Variants in FBXL20 observed in about 807,000 individuals in gnomAD.
FBXL20 encodes the protein F-box/LRR-repeat protein 20.
A neutral mutation model predicts 64.0 loss-of-function variants in FBXL20; 11 were observed. The observed-to-expected ratio is 0.17, with a 90% CI of 0.11 to 0.28. The LOEUF (loss-of-function observed/expected upper bound fraction) is 0.28. Among genes scored for constraint, FBXL20 ranks in the 10% least tolerant of loss-of-function variants. The pLI, the probability that FBXL20 is intolerant of heterozygous loss-of-function variation, is 1.00. For synonymous variants in FBXL20, 184 were observed against 189.0 expected (o/e 0.97, Z 0.22); for missense variants, 303 against 526.2 (o/e 0.58, Z 4.15).
At chr17:39,386,036 A>C (rs1173088488) in intron 1 of FBXL20, among the ~76,000 whole-genome samples, 3 of 148,430 alleles carry the variant, frequency 2.0e-5, no homozygotes, top group Non-Finnish European at 4.5e-5. Flanking sequence ...AAAAAAAAAA[A>C]AAAAAAAAAC....
chr17:39,401,275 G>A (rs2048240138), intron 1 of FBXL20, 86 bp downstream of exon 1: 2 of 1,603,812 alleles, frequency 1.2e-6, no homozygotes, highest in East Asian at 2.3e-5. Context: ...GCCTGCCAGG[G>A]AGGAGGCTCC....
At chr17:39,356,343 A>C (rs1275005553) in intron 1 of FBXL20, among the ~76,000 whole-genome samples, 2 of 151,992 alleles carry the variant, frequency 1.3e-5, no homozygotes, top group Non-Finnish European at 2.9e-5. Flanking sequence ...ATGCAGATAT[A>C]CAATTGTTTC....
At chr17:39,299,150 C>G in intron 4 of FBXL20, 66 bp from the exon 5 acceptor site, 1 of 1,080,120 alleles carries the variant, frequency 9.3e-7, no homozygotes, top group Non-Finnish European at 1.4e-6. Flanking sequence ...AACACATACT[C>G]ATTTTTAACG....
intron 2 of FBXL20, among the ~76,000 whole-genome samples, chr17:39,335,009 G>T (rs1168571518): frequency 1.3e-5 from 2 of 152,198 alleles, no homozygotes; most frequent in African/African-American, 2.4e-5. Flanking sequence ...AAGAGAAAGA[G>T]CTGGAGTCCT....
chr17:39,316,294 TAC>T (rs34083114), intron 2 of FBXL20, among the ~76,000 whole-genome samples: 17 of 150,066 alleles, frequency 1.1e-4, no homozygotes, highest in African/African-American at 1.2e-4. Flanking sequence ...CATCTACATA[TAC>T]ACACACACAC....
intron 1 of FBXL20, among the ~76,000 whole-genome samples, chr17:39,387,578 CT>C (rs567825913): frequency 0.061 from 7,643 of 124,388 alleles, 529 homozygotes; most frequent in African/African-American, 0.2. Flanking sequence ...AGCGCCCAAT[CT>C]TTTTTTTTTT....
In FBXL20 at chr17:39,261,127, C is replaced by A; in HGVS notation, c.*333G>T. The A allele has an allele frequency of 4.1e-6, 1 of 241,858 alleles. No homozygotes were observed. Among genetic ancestry groups the A allele is most frequent in the Non-Finnish European group, 8.2e-6 (1 of 121,376 alleles). 15.0% of individuals were successfully genotyped at this position (241,858 alleles called of 1,614,324 possible). A position where few individuals can be genotyped will look rare whatever the true frequency, so the allele number is the denominator to read the frequency against. On this transcript the variant is annotated 3_prime_UTR_variant, in exon 15 of 15. Transcript: ENST00000264658. ...AACCCCTAGACAAAAATTTAAAAAC[C>A]ACAGTAGCATTAACACGGGGTTTGC...
At chr17:39,290,933 A>G (rs2047032105) in intron 6 of FBXL20, among the ~76,000 whole-genome samples, 1 of 150,262 alleles carries the variant, frequency 6.7e-6, no homozygotes, top group Non-Finnish European at 1.5e-5. Flanking sequence ...TGAACAATCA[A>G]CTTTTACTTT....
chr17:39,372,475 C>T (rs1419333535), intron 1 of FBXL20, among the ~76,000 whole-genome samples: 3 of 124,742 alleles, frequency 2.4e-5, no homozygotes, highest in African/African-American at 3.2e-5. Flanking sequence ...GCCGAGATTG[C>T]GCCACTGCAC....
intron 1 of FBXL20, among the ~76,000 whole-genome samples, chr17:39,391,505 C>G (rs1480488519): frequency 6.6e-6 from 1 of 151,624 alleles, no homozygotes; most frequent in Non-Finnish European, 1.5e-5. Flanking sequence ...CCACAGACAC[C>G]AGTAATACTA....
At chr17:39,381,797 G>GAA (rs562910166) in intron 1 of FBXL20, among the ~76,000 whole-genome samples, 14 of 101,268 alleles carry the variant, frequency 1.4e-4, no homozygotes, top group Non-Finnish European at 1.7e-4. Flanking sequence ...TCTCTGAAGG[G>GAA]AAAAAAAAAA....
chr17:39,315,870 A>AGAGAGAGAGAGAGAGAGC lies in FBXL20; in HGVS notation c.105-12232_105-12231insGCTCTCTCTCTCTCTCTC, dbSNP rs1267884348. Among the ~76,000 whole-genome samples, 3 of 139,400 alleles carry AGAGAGAGAGAGAGAGAGC rather than the reference A, an allele frequency of 2.2e-5. No individual in the cohort carries two copies. In the East Asian group the frequency reaches 6.2e-4, roughly 29 times the overall value. The allele number at this position is 139,400 out of a possible 152,430, so 91.5% of individuals were successfully genotyped here. The stretch of plus-strand genomic sequence containing the variant: ...GAGAGAGAGAGAGAGAGAGAGAGAG[A>AGAGAGAGAGAGAGAGAGC]GCAACTGTAGAGCGAAATTGGTTAA... On this transcript the variant is annotated intron_variant, in intron 2 of 14. Coordinates refer to ENST00000264658, the MANE Select transcript of FBXL20 (RefSeq NM_032875.3).
At chr17:39,277,122 A>T (rs928480932) in intron 9 of FBXL20, among the ~76,000 whole-genome samples, 1 of 152,220 alleles carries the variant, frequency 6.6e-6, no homozygotes, top group South Asian at 2.1e-4. Context: ...TTTAATATCC[A>T]CTGCTTAAAT....
intron 1 of FBXL20, among the ~76,000 whole-genome samples, chr17:39,370,512 C>G (rs908457561): frequency 6.7e-6 from 1 of 149,696 alleles, no homozygotes; most frequent in Non-Finnish European, 1.5e-5. Flanking sequence ...GAAGGCCGGG[C>G]GCGGTGGCTC....
rs71372113 is a variant in FBXL20 at position 39,363,810 on chromosome 17, C to CAA, written c.43-20571_43-20570dup. On this transcript the variant is annotated intron_variant, in intron 1 of 14. Coordinates refer to ENST00000264658, the MANE Select transcript of FBXL20 (RefSeq NM_032875.3). ...TGGGTGACAGAGCAAGACTTTATCT[C>CAA]AAAAAAAAAAAAAAAACAAAAAACA... Among the ~76,000 whole-genome samples the CAA allele has an allele frequency of 5.2e-3, 137 of 26,566 alleles. 3 individuals are homozygous for CAA. Among genetic ancestry groups the CAA allele is most frequent in the South Asian group, 0.035 (38 of 1,086 alleles). The allele number at this position is 26,566 out of a possible 152,430, so 17.4% of individuals were successfully genotyped here. A position where few individuals can be genotyped will look rare whatever the true frequency, so the allele number is the denominator to read the frequency against.
intron 1 of FBXL20, among the ~76,000 whole-genome samples, chr17:39,367,253 T>C (rs2047869551): frequency 6.6e-6 from 1 of 152,100 alleles, no homozygotes; most frequent in Admixed American, 6.6e-5. Context: ...TTCTGGTTTC[T>C]CTGTCCTCTC....
At chr17:39,352,163 G>C (rs1351039025) in intron 1 of FBXL20, among the ~76,000 whole-genome samples, 1 of 152,086 alleles carries the variant, frequency 6.6e-6, no homozygotes, top group Non-Finnish European at 1.5e-5. Flanking sequence ...TAAATAAACA[G>C]GACCCAAGAA....
chr17:39,278,593 G>A lies in FBXL20; in HGVS notation c.696+2796C>T, dbSNP rs552890229. On this transcript the variant is annotated intron_variant, in intron 9 of 14. Transcript: ENST00000264658. Reference sequence around the variant, plus strand: ...GATGGAGTCTGGCTGTGTCGCCCAGGCTGGAGTACAATGGTGCGATCTCAG... The same window carrying A: ...GATGGAGTCTGGCTGTGTCGCCCAGACTGGAGTACAATGGTGCGATCTCAG... Among the ~76,000 whole-genome samples, 6 of 148,724 alleles carry A rather than the reference G, an allele frequency of 4.0e-5. No homozygotes were observed. The Admixed American group carries it at 4.0e-4, about 10-fold the overall frequency.
chr17:39,401,707 C>A (rs894241113), upstream of FBXL20: 1 of 1,149,688 alleles, frequency 8.7e-7, no homozygotes. Context: ...GCCGCCCGGG[C>A]CTCGGAGCGC....
Sources: gnomAD v4.1 joint callset for allele counts (sites outside exome capture counted in the v4.1 genomes callset) on GRCh38, gnomAD v4.1.1 for gene constraint, MANE v1.5 for transcripts, NCBI Gene and HGNC (gene_info 2026-07-23, HGNC 2026-07-21) for gene names.